The following NRG1 variants were observed in gnomAD, a reference collection of about 807,000 sequenced individuals.
The protein encoded by NRG1 is pro-neuregulin-1, membrane-bound isoform.
A neutral mutation model predicts 63.8 loss-of-function variants in NRG1; 18 were observed. That is an observed-to-expected ratio of 0.28 (90% CI 0.19 to 0.42). The LOEUF (loss-of-function observed/expected upper bound fraction) is 0.42. Ranked by LOEUF, NRG1 falls within the 10% of genes least tolerant of loss-of-function variation. NRG1 has a pLI of 1.00. For synonymous variants in NRG1, 302 were observed against 301.3 expected, an observed-to-expected ratio of 1.00 and a Z score of -0.02; for missense variants, 762 against 814.7, an observed-to-expected ratio of 0.94 and a Z score of 0.79.
At chr8:32,479,848 C>G (rs1333160037) in intron 1 of NRG1, among the ~76,000 whole-genome samples, 1 of 152,012 alleles carries the variant, frequency 6.6e-6, no homozygotes, top group Non-Finnish European at 1.5e-5. Context: ...TAGGGTTTCA[C>G]CAGGTTGGCC....
chr8:32,331,756 G>T (rs1802684975), intron 1 of NRG1, among the ~76,000 whole-genome samples: 1 of 152,136 alleles, frequency 6.6e-6, no homozygotes, highest in Non-Finnish European at 1.5e-5. Flanking sequence ...ATTAAGAGAT[G>T]AACATCTCAG....
At chr8:31,766,067 C>G (rs780108905) in intron 1 of NRG1, among the ~76,000 whole-genome samples, 1 of 151,708 alleles carries the variant, frequency 6.6e-6, no homozygotes, top group Non-Finnish European at 1.5e-5. Flanking sequence ...GAGAACACAC[C>G]GATATGAGAA....
intron 1 of NRG1, among the ~76,000 whole-genome samples, chr8:31,958,199 C>T (rs974537520): frequency 1.3e-5 from 2 of 151,900 alleles, no homozygotes; most frequent in African/African-American, 4.8e-5. Context: ...GACTGAAACT[C>T]CTGATTAAAG....
At chr8:32,112,114 A>G (rs1479731613) in intron 1 of NRG1, among the ~76,000 whole-genome samples, 1 of 152,224 alleles carries the variant, frequency 6.6e-6, no homozygotes, top group Non-Finnish European at 1.5e-5. Context: ...GTTAAAAGCA[A>G]TGCTCACAAG....
chr8:31,770,270 T>C (rs1277417670), intron 1 of NRG1, among the ~76,000 whole-genome samples: 1 of 152,192 alleles, frequency 6.6e-6, no homozygotes, highest in Non-Finnish European at 1.5e-5. Flanking sequence ...TTATTTATAG[T>C]TAAACCTCTA....
At chr8:32,007,770 A>G (rs886270448) in intron 1 of NRG1, among the ~76,000 whole-genome samples, 13 of 152,006 alleles carry the variant, frequency 8.6e-5, no homozygotes. Context: ...GTGTACTACC[A>G]GCTGGGATAT....
chr8:32,166,506 G>C (rs955916660), intron 1 of NRG1, among the ~76,000 whole-genome samples: 2 of 152,076 alleles, frequency 1.3e-5, no homozygotes, highest in African/African-American at 4.8e-5. Context: ...ATATTATCCG[G>C]TGACATCAGA....
At chr8:32,586,951 C>G (rs1254501501) in intron 1 of NRG1, among the ~76,000 whole-genome samples, 1 of 152,060 alleles carries the variant, frequency 6.6e-6, no homozygotes, top group Non-Finnish European at 1.5e-5. Flanking sequence ...ACTTATAATC[C>G]CAGCACTTTG....
chr8:32,656,709 G>A (rs567664524), intron 5 of NRG1, among the ~76,000 whole-genome samples: 72 of 152,254 alleles, frequency 4.7e-4, no homozygotes, highest in African/African-American at 1.6e-3. Context: ...CAATACTGGA[G>A]CAATGAGGCA....
chr8:32,434,957 C>A (rs1325120975), intron 1 of NRG1, among the ~76,000 whole-genome samples: 1 of 152,094 alleles, frequency 6.6e-6, no homozygotes, highest in African/African-American at 2.4e-5. Flanking sequence ...AGTTGAGCAT[C>A]TGCAGATTTT....
rs183388284 is a variant in NRG1, at chr8:31,640,758, C to T, written c.37+1327C>T. ...AGTTCCTCGCCCTTGGGGGCGCGAA[C>T]CCGCGGCGAGGAGGGCGCATCCCGG... On this transcript the variant is annotated intron_variant, in intron 1 of 10. Transcript: ENST00000519301. This position sits in a 1 kb window ranked among gnomAD's most constrained non-coding sequence, Gnocchi z 6.3. 1.8e-3 allele frequency: 2,703 copies of T among 1,478,306 alleles called. 57 individuals carry two copies. In the African/African-American group the frequency reaches 0.034, roughly 19 times the overall value. The allele number at this position is 1,478,306 out of a possible 1,614,324, so 91.6% of individuals were successfully genotyped here.
intron 6 of NRG1, among the ~76,000 whole-genome samples, chr8:32,735,149 A>C (rs1824688718): frequency 6.6e-6 from 1 of 152,170 alleles, no homozygotes; most frequent in Admixed American, 6.5e-5. Flanking sequence ...ATATAGAGTC[A>C]ATTTAAAATA....
At chr8:32,396,543 G>A (rs1680306972) in intron 1 of NRG1, among the ~76,000 whole-genome samples, 1 of 152,072 alleles carries the variant, frequency 6.6e-6, no homozygotes, top group East Asian at 1.9e-4. Context: ...CCACCTCCCA[G>A]GCTGAAGCGA....
At chr8:32,004,238 G>C (rs1379510105) in intron 1 of NRG1, among the ~76,000 whole-genome samples, 1 of 151,898 alleles carries the variant, frequency 6.6e-6, no homozygotes, top group Non-Finnish European at 1.5e-5. Context: ...GTTGAGGATG[G>C]AGAGGGCAGT....
Position 32,088,433 on chromosome 8 carries a change from T to C in NRG1, c.37+449002T>C, listed in dbSNP as rs183407535. ...ACTGGTGAAAAGTTGTCCATCATAG[T>C]TAATGGGCTACCTGAGCAAATACCT... is the stretch of plus-strand genomic sequence containing the variant. On this transcript the variant is annotated intron_variant, in intron 1 of 10. Coordinates refer to the NRG1 transcript ENST00000519301. Among the ~76,000 whole-genome samples, 18 of 152,270 alleles carry C rather than the reference T, an allele frequency of 1.2e-4. No individual in the cohort carries two copies. The East Asian group carries it at 3.5e-3, about 29-fold the overall frequency.
At chr8:32,014,103 G>A (rs980401855) in intron 1 of NRG1, among the ~76,000 whole-genome samples, 1 of 152,142 alleles carries the variant, frequency 6.6e-6, no homozygotes, top group African/African-American at 2.4e-5. Flanking sequence ...GTCAATGGTA[G>A]CTTGATGGGG....
chr8:32,634,623 T>C (rs566755916), intron 5 of NRG1, among the ~76,000 whole-genome samples: 18 of 152,344 alleles, frequency 1.2e-4, no homozygotes, highest in Non-Finnish European at 2.5e-4. Flanking sequence ...AACTGTAATA[T>C]GTATGTGAAC....
chr8:32,385,228 A>C (rs1587268362), intron 1 of NRG1, among the ~76,000 whole-genome samples: 2 of 151,800 alleles, frequency 1.3e-5, no homozygotes, highest in East Asian at 2.0e-4. Flanking sequence ...GGGTTTCACC[A>C]TGTTAGCCAG....
intron 1 of NRG1, among the ~76,000 whole-genome samples, chr8:32,309,269 T>C (rs959451999): frequency 6.6e-6 from 1 of 152,154 alleles, no homozygotes; most frequent in African/African-American, 2.4e-5. Flanking sequence ...CTGGACCTGA[T>C]ATATACACTT....
Sources: gnomAD v4.1 joint callset for allele counts (sites outside exome capture counted in the v4.1 genomes callset) on GRCh38, gnomAD v4.1.1 for gene constraint, Gnocchi (gnomAD v3.1) non-coding constraint, MANE v1.5 for transcripts, NCBI Gene and HGNC (gene_info 2026-07-23, HGNC 2026-07-21) for gene names.